The following SOX6 variants were observed in gnomAD, a reference collection of about 807,000 sequenced individuals.
The protein encoded by SOX6 is SRY-box transcription factor 6.
SOX6 carries 11 observed loss-of-function variants against 97.8 expected under a neutral mutation model. The observed-to-expected ratio is 0.11, with a 90% CI of 0.07 to 0.19. SOX6 has a LOEUF of 0.19. Among genes scored for constraint, SOX6 ranks in the 10% least tolerant of loss-of-function variants. The pLI is 1.00. For synonymous variants in SOX6, 360 were observed against 371.4 expected, an observed-to-expected ratio of 0.97 and a Z score of 0.35; for missense variants, 810 against 1,039.5, an observed-to-expected ratio of 0.78 and a Z score of 3.04.
chr11:16,458,895 A>C (rs1859864584), intron 1 of SOX6, among the ~76,000 whole-genome samples: 1 of 152,062 alleles, frequency 6.6e-6, no homozygotes, highest in Admixed American at 6.6e-5. Context: ...AACTTCAGTG[A>C]GTTAAGAAGA....
chr11:15,992,889 T>A (rs1854098785), intron 13 of SOX6, among the ~76,000 whole-genome samples: 1 of 148,502 alleles, frequency 6.7e-6, no homozygotes, highest in African/African-American at 2.6e-5. Context: ...TCTCCCAATA[T>A]TACTTTTTTT....
intron 1 of SOX6, among the ~76,000 whole-genome samples, chr11:16,396,374 C>A (rs552976715): frequency 6.6e-6 from 1 of 151,734 alleles, no homozygotes; most frequent in East Asian, 1.9e-4. Flanking sequence ...ATTTTGAATG[C>A]ATGTATACTG....
chr11:16,700,431 T>C (rs1848084315), intron 3 of SOX6, among the ~76,000 whole-genome samples: 1 of 152,084 alleles, frequency 6.6e-6, no homozygotes, highest in Admixed American at 6.5e-5. Flanking sequence ...GTCCTAGAAA[T>C]AATGGCAAAG....
At chr11:16,012,553 A>G (rs961141848) in intron 13 of SOX6, among the ~76,000 whole-genome samples, 4 of 152,036 alleles carry the variant, frequency 2.6e-5, no homozygotes, top group Non-Finnish European at 5.9e-5. Context: ...TATGTGTGAC[A>G]GAGTAACATG....
chr11:16,281,698 T>C (rs1442280404), intron 3 of SOX6, among the ~76,000 whole-genome samples: 12 of 151,910 alleles, frequency 7.9e-5, no homozygotes, highest in Non-Finnish European at 1.8e-4. Context: ...TTAAACATTC[T>C]ATATTATTTA....
intron 3 of SOX6, among the ~76,000 whole-genome samples, chr11:16,288,613 A>G (rs1199560408): frequency 6.6e-6 from 1 of 152,022 alleles, no homozygotes; most frequent in African/African-American, 2.4e-5. Context: ...CATTTATTAA[A>G]TATTCTAACA....
chr11:16,489,661 T>G (rs117796564), intron 4 of SOX6, among the ~76,000 whole-genome samples: 2,004 of 152,252 alleles, frequency 0.013, 19 homozygotes, highest in Non-Finnish European at 0.019. Flanking sequence ...TAAAATTGAA[T>G]GAGATAACAT....
chr11:16,701,595 C>T (rs1189283015), intron 3 of SOX6, among the ~76,000 whole-genome samples: 1 of 151,960 alleles, frequency 6.6e-6, no homozygotes, highest in African/African-American at 2.4e-5. Context: ...ATGCAACTCA[C>T]GCCTGTAATC....
intron 1 of SOX6, among the ~76,000 whole-genome samples, chr11:16,377,093 C>A (rs1463808576): frequency 6.6e-6 from 1 of 151,094 alleles, no homozygotes; most frequent in Non-Finnish European, 1.5e-5. Flanking sequence ...TGTTTCCCAA[C>A]AAGGAGGATT....
At chr11:16,648,666 C>T (rs1849049431) in intron 3 of SOX6, among the ~76,000 whole-genome samples, 2 of 152,054 alleles carry the variant, frequency 1.3e-5, no homozygotes, top group Non-Finnish European at 2.9e-5. Context: ...AAATAGTCTA[C>T]CCAAATGAGA....
chr11:16,110,905 G>A (rs1220988955), intron 7 of SOX6, among the ~76,000 whole-genome samples: 1 of 152,130 alleles, frequency 6.6e-6, no homozygotes, highest in Non-Finnish European at 1.5e-5. Flanking sequence ...ACTGCTGCAC[G>A]CAGATTTGTT....
At chr11:16,549,390 A>G (rs1847656878) in intron 4 of SOX6, among the ~76,000 whole-genome samples, 1 of 152,162 alleles carries the variant, frequency 6.6e-6, no homozygotes, top group Non-Finnish European at 1.5e-5. Flanking sequence ...GCTGGTCTCA[A>G]ACTCCTGACC....
chr11:16,609,870 C>T (rs1009445290), intron 4 of SOX6, among the ~76,000 whole-genome samples: 2 of 152,072 alleles, frequency 1.3e-5, no homozygotes, highest in Non-Finnish European at 2.9e-5. Flanking sequence ...GGAGTTAGTC[C>T]CCAGCAAGAA....
At chr11:16,628,834 C>A (rs1458172706) in intron 3 of SOX6, among the ~76,000 whole-genome samples, 1 of 152,098 alleles carries the variant, frequency 6.6e-6, no homozygotes, top group Non-Finnish European at 1.5e-5. Context: ...AGCTCCTTCA[C>A]CTCCTTGGTT....
intron 1 of SOX6, among the ~76,000 whole-genome samples, chr11:16,419,136 C>T (rs1197133593): frequency 6.6e-6 from 1 of 152,104 alleles, no homozygotes; most frequent in Non-Finnish European, 1.5e-5. Context: ...AAGAGTGTGG[C>T]AACATTTTTT....
At chr11:16,472,925 C>T (rs35670829) in intron 1 of SOX6, among the ~76,000 whole-genome samples, 24,560 of 151,926 alleles carry the variant, frequency 0.16, 2,018 homozygotes, top group Non-Finnish European at 0.17. Flanking sequence ...CCCTTAAATA[C>T]CAACAGTTTA....
At chr11:16,286,177 G>A (rs76447178) in intron 3 of SOX6, among the ~76,000 whole-genome samples, 1 of 152,096 alleles carries the variant, frequency 6.6e-6, no homozygotes, top group Non-Finnish European at 1.5e-5. Flanking sequence ...GTCTTTTACA[G>A]ATTTCCAGGG....
chr11:16,002,278 T>C (rs2119908860), intron 13 of SOX6, among the ~76,000 whole-genome samples: 2 of 152,316 alleles, frequency 1.3e-5, no homozygotes, highest in African/African-American at 4.8e-5. Context: ...TTAATGACTT[T>C]GTGGTGAGCT....
intron 3 of SOX6, chr11:16,283,820 T>C (rs1461879410): frequency 1.1e-5 from 4 of 357,018 alleles, no homozygotes; most frequent in South Asian, 2.1e-5. Context: ...ATAATTTCAG[T>C]TACTTTTTAA....
Sources: gnomAD v4.1 joint callset for allele counts (sites outside exome capture counted in the v4.1 genomes callset) on GRCh38, gnomAD v4.1.1 for gene constraint, MANE v1.5 for transcripts, NCBI Gene and HGNC (gene_info 2026-07-23, HGNC 2026-07-21) for gene names.